Variants in TNFAIP8 observed in about 807,000 individuals in gnomAD.
The protein encoded by TNFAIP8 is TNF alpha induced protein 8.
In TNFAIP8, 7 loss-of-function variants were observed where a neutral mutation model predicts 13.3. That is an observed-to-expected ratio of 0.52 (90% CI 0.30 to 0.99). TNFAIP8 has a LOEUF of 0.99. Ranked by LOEUF, TNFAIP8 falls within the 50% of genes least tolerant of loss-of-function variation. TNFAIP8 has a pLI of 0.07. For missense variants in TNFAIP8, 258 were observed against 236.9 expected (o/e 1.09, Z -0.58); for synonymous variants, 94 against 87.6 (o/e 1.07, Z -0.41).
In TNFAIP8 at chr5:119,380,312, T is replaced by G. The variant is rs181957; in HGVS notation, c.32-12504T>G. 1.1e-3 allele frequency among the ~76,000 whole-genome samples: 165 copies of G among 152,368 alleles called. 4 individuals are homozygous for G. In the East Asian group the frequency reaches 0.024, roughly 22 times the overall value. On this transcript the variant is annotated intron_variant, in intron 1 of 1. Transcript: ENST00000504771. ...CCTGATGAAACCAGAAAGGGTGTGT[T>G]GACCATTGATGCCAGCTGTGGGTCT...
chr5:119,364,959 C>T (rs998684610), intron 1 of TNFAIP8, among the ~76,000 whole-genome samples: 4 of 147,754 alleles, frequency 2.7e-5, no homozygotes, highest in African/African-American at 7.5e-5. Flanking sequence ...TCAACTGATT[C>T]CCCTGCCTCA....
At chr5:119,337,316 T>C (rs779530045) in intron 1 of TNFAIP8, among the ~76,000 whole-genome samples, 3 of 152,256 alleles carry the variant, frequency 2.0e-5, no homozygotes, top group Non-Finnish European at 2.9e-5. Flanking sequence ...TATTTGTATA[T>C]GTTGTCTATA....
intron 1 of TNFAIP8, among the ~76,000 whole-genome samples, chr5:119,285,456 T>A (rs1184110592): frequency 1.3e-5 from 2 of 152,140 alleles, no homozygotes; most frequent in African/African-American, 4.8e-5. Context: ...CACAAGTGGC[T>A]TTGGGTGGGA....
chr5:119,271,959 T>C (rs930317856), intron 1 of TNFAIP8, among the ~76,000 whole-genome samples: 1 of 152,222 alleles, frequency 6.6e-6, no homozygotes, highest in Non-Finnish European at 1.5e-5. Flanking sequence ...ACTGTGGCCC[T>C]GGAGTCTGAG....
chr5:119,382,810 T>G (rs752682884), intron 1 of TNFAIP8, among the ~76,000 whole-genome samples: 3 of 152,240 alleles, frequency 2.0e-5, no homozygotes, highest in Non-Finnish European at 4.4e-5. Context: ...TGGGTTTACC[T>G]GACTGCCTGT....
At chr5:119,389,623 G>T (rs1752817637) in intron 1 of TNFAIP8, among the ~76,000 whole-genome samples, 1 of 152,068 alleles carries the variant, frequency 6.6e-6, no homozygotes. Context: ...AGCCCCAGTT[G>T]GCTTCAAAAA....
chr5:119,397,572 T>C lies in TNFAIP8; in HGVS notation c.*4191T>C, dbSNP rs1297653300. 2.6e-5 allele frequency: 4 copies of C among 152,212 alleles called. No homozygotes were observed. In the East Asian group the frequency reaches 7.7e-4, roughly 29 times the overall value. The allele number at this position is 152,212 out of a possible 1,614,324, so 9.4% of individuals were successfully genotyped here. A position where few individuals can be genotyped will look rare whatever the true frequency, so the allele number is the denominator to read the frequency against. ...ACTCATAGCAGGTTTTAGTACACAG[T>C]GCTGTTTATGACAGAAAAAATTTTA... On this transcript the variant is annotated 3_prime_UTR_variant, in exon 2 of 2. Transcript: ENST00000504771.
At chr5:119,354,417 T>G (rs988502319), upstream of TNFAIP8, 1 of 152,216 alleles carries the variant, frequency 6.6e-6, no homozygotes, top group Non-Finnish European at 1.5e-5. Context: ...GGTTAGAATC[T>G]CTCAGCAGTA....
At chr5:119,285,731 A>G (rs531266888) in intron 1 of TNFAIP8, among the ~76,000 whole-genome samples, 1 of 152,230 alleles carries the variant, frequency 6.6e-6, no homozygotes, top group Non-Finnish European at 1.5e-5. Flanking sequence ...AAAAGCGTTC[A>G]TTACAGCATT....
At chr5:119,333,508 T>C (rs1467865085) in intron 1 of TNFAIP8, 1 of 1,503,504 alleles carries the variant, frequency 6.7e-7, no homozygotes, top group Non-Finnish European at 8.9e-7. Context: ...CCGAGGGTGA[T>C]GCAGGTTCCA....
intron 1 of TNFAIP8, chr5:119,333,419 A>G: frequency 1.5e-6 from 2 of 1,365,240 alleles, no homozygotes; most frequent in East Asian, 5.3e-5. Context: ...CTGTGCATTT[A>G]TGTGGTAAGC....
intron 1 of TNFAIP8, among the ~76,000 whole-genome samples, chr5:119,305,124 C>A (rs911577961): frequency 2.0e-5 from 3 of 152,110 alleles, no homozygotes; most frequent in Non-Finnish European, 4.4e-5. Flanking sequence ...GTTATAAGAT[C>A]ACTCTGTAAG....
intron 1 of TNFAIP8, among the ~76,000 whole-genome samples, chr5:119,350,118 G>T (rs1257141247): frequency 6.6e-6 from 1 of 152,122 alleles, no homozygotes; most frequent in Admixed American, 6.5e-5. Flanking sequence ...AGACATTACT[G>T]CTAAGTACAT....
rs397963876 is a variant in TNFAIP8, at chr5:119,394,611, A to ATTTTTTTTTTTTTTTTTTT, written c.*1231_*1249dup. ...CATTTCCATTGTCACTGTGTCTATG[A>ATTTTTTTTTTTTTTTTTTT]TTTTTTTTTTTTTTTTTTTGAGTCT... On this transcript the variant is annotated 3_prime_UTR_variant, in exon 2 of 2. Transcript: ENST00000504771. 9.7e-4 allele frequency: 111 copies of ATTTTTTTTTTTTTTTTTTT among 114,658 alleles called. 6 individuals are homozygous for ATTTTTTTTTTTTTTTTTTT. The highest frequency in any genetic ancestry group is 4.2e-3 in the African/African-American group (104 of 24,764). The allele number at this position is 114,658 out of a possible 1,614,324, so 7.1% of individuals were successfully genotyped here.
At chr5:119,286,406 G>A (rs987313526) in intron 1 of TNFAIP8, among the ~76,000 whole-genome samples, 1 of 152,136 alleles carries the variant, frequency 6.6e-6, no homozygotes, top group Non-Finnish European at 1.5e-5. Flanking sequence ...TGGATCACGA[G>A]GTCAGGAGAT....
chr5:119,322,991 A>T (rs1320238336), intron 1 of TNFAIP8, among the ~76,000 whole-genome samples: 1 of 152,108 alleles, frequency 6.6e-6, no homozygotes, highest in East Asian at 1.9e-4. Flanking sequence ...ACTATCTCGA[A>T]ACTTGGAAGG....
In TNFAIP8 at chr5:119,372,676, G is replaced by A. The variant is rs76131515; in HGVS notation, c.31+16555G>A. Among the ~76,000 whole-genome samples, 1,227 of 152,218 alleles carry A rather than the reference G, an allele frequency of 8.1e-3. 20 individuals are homozygous for A. The highest frequency in any genetic ancestry group is 0.028 in the African/African-American group (1,161 of 41,526). ...AACATTTTTTTAAAAAATTATGTTA[G>A]TGGCTGGGCACTATGGCTCATGCCT... On this transcript the variant is annotated intron_variant, in intron 1 of 1. Transcript: ENST00000504771.
intron 1 of TNFAIP8, among the ~76,000 whole-genome samples, chr5:119,358,989 C>T (rs141930712): frequency 2.0e-5 from 3 of 152,300 alleles, no homozygotes; most frequent in African/African-American, 7.2e-5. Context: ...CCAGTTCTTA[C>T]TCTCATGCCT....
intron 1 of TNFAIP8, chr5:119,333,757 GCTA>G: frequency 2.4e-6 from 2 of 830,250 alleles, no homozygotes; most frequent in Non-Finnish European, 3.8e-6. Flanking sequence ...TGGCTTTAGA[GCTA>G]CTGTGTTCAA....
Sources: gnomAD v4.1 joint callset for allele counts (sites outside exome capture counted in the v4.1 genomes callset) on GRCh38, gnomAD v4.1.1 for gene constraint, MANE v1.5 for transcripts, NCBI Gene and HGNC (gene_info 2026-07-23, HGNC 2026-07-21) for gene names.